DENND1A: variants seen among roughly 807,000 people sequenced by gnomAD.
DENND1A encodes the protein DENN domain-containing protein 1A.
A neutral mutation model predicts 113.7 loss-of-function variants in DENND1A; 51 were observed. The observed-to-expected ratio is 0.45, with a 90% CI of 0.36 to 0.57. The LOEUF (loss-of-function observed/expected upper bound fraction) is 0.57, where lower values mean the gene tolerates loss of function less well. DENND1A is among the 20% of genes least tolerant of loss of function. The probability of loss-of-function intolerance (pLI) is 0.00; values close to 1 mark genes in which losing one functional copy is unlikely to be tolerated. For synonymous variants in DENND1A, 565 were observed against 570.8 expected, an observed-to-expected ratio of 0.99 and a Z score of 0.14; for missense variants, 1,258 against 1,395.9, an observed-to-expected ratio of 0.90 and a Z score of 1.57.
chr9:123,792,743 G>A, intron 2 of DENND1A, 113 bp from the exon 3 acceptor site: 3 of 1,190,648 alleles, frequency 2.5e-6, no homozygotes, highest in Non-Finnish European at 3.6e-6. Flanking sequence ...GGATCCAAGG[G>A]GGGCAGCTGA....
chr9:123,403,901 C>T (rs987048317), intron 20 of DENND1A, among the ~76,000 whole-genome samples: 2 of 152,172 alleles, frequency 1.3e-5, no homozygotes, highest in Non-Finnish European at 2.9e-5. Flanking sequence ...GAAAAGGTTG[C>T]GCTTACACTT....
chr9:123,588,523 G>C (rs1336887511), intron 11 of DENND1A, among the ~76,000 whole-genome samples: 5 of 148,518 alleles, frequency 3.4e-5, no homozygotes, highest in African/African-American at 1.2e-4. Context: ...GGGAGGCTGA[G>C]GAAGGAGAAT....
intron 5 of DENND1A, among the ~76,000 whole-genome samples, chr9:123,689,213 C>T (rs146987197): frequency 0.04 from 6,042 of 152,050 alleles, 405 homozygotes; most frequent in African/African-American, 0.14. Context: ...TTAGTAAAGA[C>T]GGGGTTTCAT....
At chr9:123,577,681 GGTTT>G (rs2058698907) in intron 12 of DENND1A, among the ~76,000 whole-genome samples, 4 of 152,240 alleles carry the variant, frequency 2.6e-5, no homozygotes, top group East Asian at 1.9e-4. Flanking sequence ...AAAAGAAATA[GGTTT>G]GTTTAAAACT....
intron 1 of DENND1A, among the ~76,000 whole-genome samples, chr9:123,907,518 G>T (rs1342209013): frequency 7.1e-6 from 1 of 141,550 alleles, no homozygotes; most frequent in African/African-American, 2.6e-5. Context: ...CAAAATCAAT[G>T]TACAAAAATC....
At chr9:123,812,038 TAGC>T (rs900150385) in intron 2 of DENND1A, among the ~76,000 whole-genome samples, 1 of 152,178 alleles carries the variant, frequency 6.6e-6, no homozygotes, top group African/African-American at 2.4e-5. Context: ...CTATATGGTA[TAGC>T]TAAAGCACCA....
chr9:123,500,148 G>A (rs1279512160), intron 13 of DENND1A, among the ~76,000 whole-genome samples: 1 of 152,026 alleles, frequency 6.6e-6, no homozygotes, highest in Non-Finnish European at 1.5e-5. Context: ...GTTAAGAAAA[G>A]TCTAAAAGTC....
chr9:123,474,625 G>C (rs963796942), intron 13 of DENND1A, among the ~76,000 whole-genome samples: 1 of 152,172 alleles, frequency 6.6e-6, no homozygotes, highest in Non-Finnish European at 1.5e-5. Flanking sequence ...TGGAGGATCA[G>C]GCTGGTTTTG....
chr9:123,581,799 C>T (rs528826954), intron 12 of DENND1A, among the ~76,000 whole-genome samples: 1 of 152,270 alleles, frequency 6.6e-6, no homozygotes, highest in African/African-American at 2.4e-5. Flanking sequence ...TGGCCAGGAA[C>T]AACAACCCGT....
intron 10 of DENND1A, among the ~76,000 whole-genome samples, chr9:123,619,103 C>T (rs549244286): frequency 3.0e-4 from 46 of 152,226 alleles, no homozygotes; most frequent in East Asian, 7.8e-4. Flanking sequence ...CACGCCACCA[C>T]GCCCAGCTAA....
intron 13 of DENND1A, among the ~76,000 whole-genome samples, chr9:123,495,090 C>A (rs551342248): frequency 1.1e-4 from 16 of 150,258 alleles, no homozygotes; most frequent in African/African-American, 3.0e-4. Flanking sequence ...CTGCACCTGG[C>A]CTTTTGTACT....
intron 13 of DENND1A, among the ~76,000 whole-genome samples, chr9:123,555,308 A>C (rs1003019328): frequency 6.6e-6 from 1 of 152,114 alleles, no homozygotes; most frequent in Non-Finnish European, 1.5e-5. Flanking sequence ...GTCATGTCAC[A>C]TTTCTGCTCA....
intron 13 of DENND1A, among the ~76,000 whole-genome samples, chr9:123,509,499 C>A (rs1318943519): frequency 6.6e-6 from 1 of 152,164 alleles, no homozygotes; most frequent in Non-Finnish European, 1.5e-5. Flanking sequence ...GCTCTTGCAC[C>A]ATCTTCCTTT....
chr9:123,746,546 C>T (rs983627531), intron 5 of DENND1A, among the ~76,000 whole-genome samples: 1 of 152,054 alleles, frequency 6.6e-6, no homozygotes, highest in African/African-American at 2.4e-5. Context: ...AGTTGAGCAC[C>T]GCTAATTTGG....
intron 5 of DENND1A, among the ~76,000 whole-genome samples, chr9:123,705,177 C>T (rs1392372595): frequency 2.0e-5 from 3 of 151,734 alleles, no homozygotes; most frequent in East Asian, 1.9e-4. Flanking sequence ...ATTTGTGGCA[C>T]GTAAATAAAA....
At chr9:123,620,826 T>C (rs534279865) in intron 10 of DENND1A, among the ~76,000 whole-genome samples, 2 of 147,956 alleles carry the variant, frequency 1.4e-5, no homozygotes, top group Admixed American at 6.7e-5. Context: ...CATTCCACTC[T>C]TGGCGTCTTG....
intron 13 of DENND1A, among the ~76,000 whole-genome samples, chr9:123,484,628 T>C (rs959438788): frequency 2.0e-5 from 3 of 152,186 alleles, no homozygotes; most frequent in Non-Finnish European, 4.4e-5. Flanking sequence ...CACCCCATAG[T>C]GCACCTTCTA....
chr9:123,486,756 C>A (rs748087182), intron 13 of DENND1A, among the ~76,000 whole-genome samples: 4 of 152,210 alleles, frequency 2.6e-5, no homozygotes, highest in Admixed American at 2.0e-4. Context: ...AGTTCCCATA[C>A]CTTCCATGGT....
intron 12 of DENND1A, among the ~76,000 whole-genome samples, chr9:123,561,773 G>A (rs892245576): frequency 3.3e-4 from 50 of 152,070 alleles, no homozygotes; most frequent in African/African-American, 1.0e-3. Flanking sequence ...TGTCTAAGAC[G>A]CCCTTTCCCC....
Sources: gnomAD v4.1 joint callset for allele counts (sites outside exome capture counted in the v4.1 genomes callset) on GRCh38, gnomAD v4.1.1 for gene constraint, MANE v1.5 for transcripts, NCBI Gene and HGNC (gene_info 2026-07-23, HGNC 2026-07-21) for gene names.